HSD17B13: variants seen among roughly 807,000 people sequenced by gnomAD.
HSD17B13 encodes hydroxysteroid 17-beta dehydrogenase 13, also known as 17-beta-hydroxysteroid dehydrogenase 13.
HSD17B13 carries 26 observed loss-of-function variants against 31.1 expected under a neutral mutation model. That is an observed-to-expected ratio of 0.84 (90% confidence interval 0.61 to 1.16). HSD17B13 has a LOEUF of 1.16. Ranked by LOEUF, HSD17B13 falls within the 50% of genes most tolerant of loss-of-function variation. The probability of loss-of-function intolerance (pLI) is 0.00; values close to 1 mark genes in which losing one functional copy is unlikely to be tolerated. For synonymous variants in HSD17B13, 141 were observed against 133.7 expected, an observed-to-expected ratio of 1.05 and a Z score of -0.38; for missense variants, 374 against 366.5, an observed-to-expected ratio of 1.02 and a Z score of -0.17.
chr4:87,314,867 T>C (rs1408729016), intron 4 of HSD17B13, among the ~76,000 whole-genome samples: 1 of 152,234 alleles, frequency 6.6e-6, no homozygotes, highest in Non-Finnish European at 1.5e-5. Flanking sequence ...TCTCTCATTG[T>C]TCTACAGAGG....
In HSD17B13 at chr4:87,305,296, T is replaced by A; in HGVS notation, c.825A>T (p.Glu275Asp). The change falls in exon 7 of 7, where the codon GAA (glutamate) becomes GAT (aspartate). Residue 275 changes from glutamate (E) to aspartate (D), a missense_variant. Coordinates refer to ENST00000328546, the MANE Select transcript of HSD17B13 (RefSeq NM_178135.5). ...TACGATTTAAAATCGCTGAGGCGCG[T>A]TCAGGAAGAAACCTGTACAAAAAAG... ...IFLRLQKFLP[E>D]RASAILNRMQ... 2 of 1,602,540 alleles carry A rather than the reference T, an allele frequency of 1.2e-6. No homozygotes were observed.
intron 1 of HSD17B13, among the ~76,000 whole-genome samples, chr4:87,320,527 C>T (rs1172073347): frequency 1.3e-5 from 2 of 151,182 alleles, no homozygotes; most frequent in African/African-American, 2.4e-5. Context: ...GCTGGGACTA[C>T]AGGCGCCCGC....
chr4:87,305,236 G>T lies in HSD17B13; in HGVS notation c.885C>A (p.His295Gln). The change falls in exon 7 of 7, where the codon CAC (histidine) becomes CAA (glutamine). Residue 295 changes from histidine to glutamine, a missense_variant. His to Gln is a conservative substitution (Grantham distance 24). Transcript: ENST00000328546. ...QNIQFEAVVG[H>Q]KIKMK Reference sequence around the variant, plus strand: ...TATTTATTCATTTCATTTTGATTTTGTGGCCAACCACTGCTTCAAATTGAA... The same window carrying T: ...TATTTATTCATTTCATTTTGATTTTTTGGCCAACCACTGCTTCAAATTGAA... 6.2e-7 allele frequency: 1 copy of T among 1,604,838 alleles called. No individual in the cohort carries two copies. The highest frequency in any genetic ancestry group is 8.5e-7 in the Non-Finnish European group (1 of 1,175,646).
At chr4:87,307,068 G>A (rs1734406887) in intron 6 of HSD17B13, among the ~76,000 whole-genome samples, 2 of 152,006 alleles carry the variant, frequency 1.3e-5, no homozygotes, top group African/African-American at 4.8e-5. Context: ...GGTGAAAGAT[G>A]GAATGAGCAA....
At chr4:87,322,328 C>T (rs1734807309) in intron 1 of HSD17B13, among the ~76,000 whole-genome samples, 1 of 152,156 alleles carries the variant, frequency 6.6e-6, no homozygotes, top group Non-Finnish European at 1.5e-5. Context: ...TTATTATCCC[C>T]ACTTCAGAGC....
At chr4:87,317,319 G>GT in intron 2 of HSD17B13, 96 bp from the exon 3 acceptor site, 1 of 1,233,444 alleles carries the variant, frequency 8.1e-7, no homozygotes, top group South Asian at 1.4e-5. Context: ...TTCTTCTATT[G>GT]TATGAGGTCT....
chr4:87,311,813 C>G (rs1310129284), intron 5 of HSD17B13, among the ~76,000 whole-genome samples: 1 of 152,152 alleles, frequency 6.6e-6, no homozygotes, highest in African/African-American at 2.4e-5. Context: ...TCTCCACTGC[C>G]TTGAATAGCA....
rs1734681075 is a variant in HSD17B13 at position 87,317,563 on chromosome 4, C to CTTTATTTTTTTTTTTT, written c.319-341_319-340insAAAAAAAAAAAATAAA. The stretch of plus-strand genomic sequence containing the variant: ...TTTTAAAAATGTGTTTTTCTTTAAA[C>CTTTATTTTTTTTTTTT]TTTTTTTTTTTTTTTTTTTTTTTTT... On this transcript the variant is annotated intron_variant, in intron 2 of 6. Transcript: ENST00000328546. 6.8e-4 allele frequency among the ~76,000 whole-genome samples: 34 copies of CTTTATTTTTTTTTTTT among 49,742 alleles called. 1 individual carries two copies. Among genetic ancestry groups the CTTTATTTTTTTTTTTT allele is most frequent in the African/African-American group, 2.7e-3 (32 of 11,878 alleles). The allele number at this position is 49,742 out of a possible 152,430, so 32.6% of individuals were successfully genotyped here.
intron 6 of HSD17B13, among the ~76,000 whole-genome samples, chr4:87,309,612 A>G (rs151184101): frequency 1.4e-3 from 212 of 152,290 alleles, no homozygotes; most frequent in African/African-American, 4.7e-3. Flanking sequence ...AATCCCAACC[A>G]AACTTCCAGC....
intron 6 of HSD17B13, among the ~76,000 whole-genome samples, chr4:87,308,485 TAAAAAAAAAAAAA>T (rs893354684): frequency 6.0e-4 from 20 of 33,218 alleles, no homozygotes; most frequent in African/African-American, 1.0e-3. Context: ...CCGTCTCTAC[TAAAAAAAAAAAAA>T]AAAAAAAAAA....
rs140297005 is a variant in HSD17B13 at position 87,309,952 on chromosome 4, G to A, written c.812+291C>T. ...AGACAGGAGGATAACTTGAGGTCAGGAGTTCGAGTCCAGCCTGGCCAACAT... is the reference window on the plus strand; with the variant it reads ...AGACAGGAGGATAACTTGAGGTCAGAAGTTCGAGTCCAGCCTGGCCAACAT... On this transcript the variant is annotated intron_variant, in intron 6 of 6. Transcript: ENST00000328546. Among the ~76,000 whole-genome samples the A allele has an allele frequency of 5.5e-3, 832 of 152,172 alleles. 5 individuals are homozygous for A. Among genetic ancestry groups the A allele is most frequent in the African/African-American group, 0.019 (776 of 41,532 alleles).
chr4:87,310,412 A>G, intron 5 of HSD17B13, 53 bp from the exon 6 acceptor site: 7 of 1,287,032 alleles, frequency 5.4e-6, no homozygotes, highest in Non-Finnish European at 6.0e-6. Flanking sequence ...TTTTAATTTT[A>G]TAAGTAAATG....
chr4:87,322,237 A>G (rs1006442703), intron 1 of HSD17B13, among the ~76,000 whole-genome samples: 2 of 152,230 alleles, frequency 1.3e-5, no homozygotes, highest in Non-Finnish European at 2.9e-5. Flanking sequence ...GGGAGGCACT[A>G]AAGGTTTCTG....
intron 6 of HSD17B13, among the ~76,000 whole-genome samples, chr4:87,306,742 TA>T (rs1321614300): frequency 6.6e-6 from 1 of 151,366 alleles, no homozygotes. Context: ...CTGTCTCTAC[TA>T]AAAATACAAA....
chr4:87,314,642 CACACACACA>C (rs1734607902), intron 4 of HSD17B13, among the ~76,000 whole-genome samples: 1 of 98,964 alleles, frequency 1.0e-5, no homozygotes, highest in African/African-American at 9.1e-5. Flanking sequence ...CTCTCTCTCT[CACACACACA>C]CACACACACA....
In HSD17B13 at chr4:87,313,903, G is replaced by T; in HGVS notation, c.615C>A (p.Ala205=). Residue 205 remains alanine (A), a synonymous_variant, in exon 5 of 7, where the codon GCC becomes GCA. Transcript: ENST00000328546. ...FHRGLTSELQ[A]LGKTGIKTSC... Reference sequence around the variant, plus strand: ...AGGTTTTGATACCAGTTTTTCCCAAGGCCTGAAGTTCTGATGTCAGACCTC... The same window carrying T: ...AGGTTTTGATACCAGTTTTTCCCAATGCCTGAAGTTCTGATGTCAGACCTC... The T allele has an allele frequency of 6.2e-7, 1 of 1,608,798 alleles. No individual in the cohort carries two copies. The highest frequency in any genetic ancestry group is 8.5e-7 in the Non-Finnish European group (1 of 1,177,972).
chr4:87,308,898 TCC>T (rs948981897), intron 6 of HSD17B13, among the ~76,000 whole-genome samples: 30 of 110,558 alleles, frequency 2.7e-4, no homozygotes, highest in African/African-American at 8.0e-4. Flanking sequence ...TTAAAAACTT[TCC>T]CATAAAGAAA....
At chr4:87,309,658 T>G (rs1257084854) in intron 6 of HSD17B13, among the ~76,000 whole-genome samples, 1 of 152,208 alleles carries the variant, frequency 6.6e-6, no homozygotes, top group African/African-American at 2.4e-5. Context: ...TATTAACTAC[T>G]TCACTATATT....
chr4:87,303,899 A>C lies in HSD17B13; in HGVS notation c.*1319T>G, dbSNP rs1478856290. 6.6e-6 allele frequency: 1 copy of C among 152,182 alleles called. No individual in the cohort carries two copies. Among genetic ancestry groups the C allele is most frequent in the African/African-American group, 2.4e-5 (1 of 41,426 alleles). 9.4% of individuals were successfully genotyped at this position (152,182 alleles called of 1,614,324 possible). Reference sequence around the variant, plus strand: ...TGTTTTTGTGACTTTTAAAAAAATCATTTGTTTTTAATAAAAACAAGAGGA... The same window carrying C: ...TGTTTTTGTGACTTTTAAAAAAATCCTTTGTTTTTAATAAAAACAAGAGGA... On this transcript the variant is annotated 3_prime_UTR_variant, in exon 7 of 7. Transcript: ENST00000328546.
Sources: gnomAD v4.1 joint callset for allele counts (sites outside exome capture counted in the v4.1 genomes callset) on GRCh38, gnomAD v4.1.1 for gene constraint, MANE v1.5 for transcripts, NCBI Gene and HGNC (gene_info 2026-07-23, HGNC 2026-07-21) for gene names.